Variants in WDFY2 observed in about 807,000 individuals in gnomAD.
The protein encoded by WDFY2 is WD repeat and FYVE domain containing 2, also known as WD repeat and FYVE domain-containing protein 2.
In WDFY2, 36 loss-of-function variants were observed where a neutral mutation model predicts 56.4. The ratio of observed to expected loss-of-function variants is 0.64; its 90% confidence interval spans 0.49 to 0.84. The LOEUF (loss-of-function observed/expected upper bound fraction) is 0.84. Ranked by LOEUF, WDFY2 falls within the 40% of genes least tolerant of loss-of-function variation. The pLI, the probability that WDFY2 is intolerant of heterozygous loss-of-function variation, is 0.00. For synonymous variants in WDFY2, 176 were observed against 183.7 expected (o/e 0.96, Z 0.34); for missense variants, 444 against 512.2 (o/e 0.87, Z 1.29).
intron 1 of WDFY2, among the ~76,000 whole-genome samples, chr13:51,620,499 G>T (rs1237830062): frequency 6.6e-6 from 1 of 151,932 alleles, no homozygotes; most frequent in Non-Finnish European, 1.5e-5. Context: ...CCTTCATCCT[G>T]CTCTTGCCCT....
intron 1 of WDFY2, among the ~76,000 whole-genome samples, chr13:51,594,539 C>T (rs894254417): frequency 6.6e-6 from 1 of 152,140 alleles, no homozygotes; most frequent in Non-Finnish European, 1.5e-5. Context: ...TCTGTTGTGT[C>T]TTAGGGAATC....
chr13:51,637,585 C>G (rs1053800921), intron 1 of WDFY2, among the ~76,000 whole-genome samples: 1 of 152,008 alleles, frequency 6.6e-6, no homozygotes, highest in African/African-American at 2.4e-5. Flanking sequence ...GTTCTTGGAT[C>G]TCTTGCAAGA....
At chr13:51,693,597 T>G (rs1418016267) in intron 3 of WDFY2, among the ~76,000 whole-genome samples, 3 of 152,180 alleles carry the variant, frequency 2.0e-5, no homozygotes, top group Non-Finnish European at 4.4e-5. Context: ...AGAGCTTTAC[T>G]TCCACCTATG....
intron 2 of WDFY2, among the ~76,000 whole-genome samples, chr13:51,667,466 T>A (rs1026550983): frequency 6.6e-6 from 1 of 152,338 alleles, no homozygotes; most frequent in African/African-American, 2.4e-5. Flanking sequence ...CCACCTCCTC[T>A]GCTGGGTGTT....
At chr13:51,638,441 A>G (rs371413008) in intron 1 of WDFY2, among the ~76,000 whole-genome samples, 9 of 152,344 alleles carry the variant, frequency 5.9e-5, no homozygotes, top group African/African-American at 2.2e-4. Context: ...CTGCGTTTAA[A>G]TTTTGGTGAA....
At chr13:51,627,057 G>T (rs935374376) in intron 1 of WDFY2, among the ~76,000 whole-genome samples, 1 of 152,262 alleles carries the variant, frequency 6.6e-6, no homozygotes, top group African/African-American at 2.4e-5. Context: ...GTTGGCATGG[G>T]TGCCGGCTCC....
At chr13:51,750,477 T>TGAG (rs1346464103) in intron 7 of WDFY2, among the ~76,000 whole-genome samples, 12 of 151,682 alleles carry the variant, frequency 7.9e-5, no homozygotes, top group African/African-American at 2.9e-4. Flanking sequence ...CAAAGAGCTG[T>TGAG]TCTCCTTCCC....
At chr13:51,636,480 G>A (rs1029911322) in intron 1 of WDFY2, among the ~76,000 whole-genome samples, 4 of 152,184 alleles carry the variant, frequency 2.6e-5, no homozygotes, top group African/African-American at 9.7e-5. Flanking sequence ...TGGGCTTCGT[G>A]ATAAGAAAGG....
intron 3 of WDFY2, among the ~76,000 whole-genome samples, chr13:51,676,387 T>C (rs991669947): frequency 2.6e-5 from 4 of 152,158 alleles, no homozygotes; most frequent in African/African-American, 7.2e-5. Context: ...GGCGTGGAAC[T>C]TAAAGGAGAC....
At chr13:51,605,014 GATT>G (rs1954357917) in intron 1 of WDFY2, among the ~76,000 whole-genome samples, 1 of 152,224 alleles carries the variant, frequency 6.6e-6, no homozygotes, top group Admixed American at 6.5e-5. Context: ...GATAAGTGGG[GATT>G]ATTGAAGCCT....
intron 4 of WDFY2, among the ~76,000 whole-genome samples, chr13:51,712,717 A>T (rs886090817): frequency 2.0e-5 from 3 of 152,162 alleles, no homozygotes; most frequent in Non-Finnish European, 4.4e-5. Context: ...AATAAAATTG[A>T]TAAATCTTTA....
intron 4 of WDFY2, among the ~76,000 whole-genome samples, chr13:51,711,369 A>G (rs1337981190): frequency 3.3e-5 from 5 of 152,214 alleles, no homozygotes; most frequent in Non-Finnish European, 7.3e-5. Context: ...CATTCAGGAC[A>G]TAGGCATGGG....
rs116330278 is a variant in WDFY2 at position 51,746,703 on chromosome 13, C to T, written c.726-4607C>T. The stretch of plus-strand genomic sequence containing the variant: ...TCATTTCTTAAATGTTTTGATTTAA[C>T]TTATAATAACAGAGTTTACGAAATT... On this transcript the variant is annotated intron_variant, in intron 7 of 11. Transcript: ENST00000298125. Among the ~76,000 whole-genome samples, 824 of 151,746 alleles carry T rather than the reference C, an allele frequency of 5.4e-3. 6 individuals carry two copies. Among genetic ancestry groups the T allele is most frequent in the African/African-American group, 0.019 (771 of 41,542 alleles).
At chr13:51,689,366 C>T (rs6561644) in intron 3 of WDFY2, among the ~76,000 whole-genome samples, 72,552 of 151,926 alleles carry the variant, frequency 0.48, 17,581 homozygotes, top group Admixed American at 0.55. Context: ...GTTTTTTGTG[C>T]TATATGTGTA....
chr13:51,748,840 CTAAAG>C (rs1261199038), intron 7 of WDFY2, among the ~76,000 whole-genome samples: 1 of 151,364 alleles, frequency 6.6e-6, no homozygotes, highest in Non-Finnish European at 1.5e-5. Context: ...TTTTTTCAGA[CTAAAG>C]TATTATAAGC....
intron 1 of WDFY2, among the ~76,000 whole-genome samples, chr13:51,641,198 G>C (rs528493582): frequency 9.2e-5 from 14 of 151,940 alleles, no homozygotes; most frequent in African/African-American, 3.4e-4. Context: ...CTAGCCTCCC[G>C]AGTAGCTGGG....
chr13:51,759,372 C>T (rs964186725), intron 11 of WDFY2, among the ~76,000 whole-genome samples: 5 of 152,122 alleles, frequency 3.3e-5, no homozygotes, highest in Non-Finnish European at 1.5e-5. Context: ...TCTATATTGT[C>T]GCTTTCATGT....
At chr13:51,666,891 T>C (rs563584754) in intron 2 of WDFY2, among the ~76,000 whole-genome samples, 177 of 152,324 alleles carry the variant, frequency 1.2e-3, no homozygotes, top group Non-Finnish European at 2.1e-3. Context: ...TAGTCTATTG[T>C]TTACATTAAA....
At chr13:51,609,987 G>C (rs1264067422) in intron 1 of WDFY2, among the ~76,000 whole-genome samples, 1 of 152,134 alleles carries the variant, frequency 6.6e-6, no homozygotes, top group African/African-American at 2.4e-5. Context: ...ACCTCAACAT[G>C]TATGATTCTT....
Sources: allele counts gnomAD v4.1 joint callset (sites outside exome capture counted in the v4.1 genomes callset), GRCh38; gene constraint gnomAD v4.1.1; transcripts MANE v1.5; gene names NCBI Gene and HGNC (gene_info 2026-07-23, HGNC 2026-07-21).